The following GRIA4 variants were observed in gnomAD, a reference collection of about 807,000 sequenced individuals.
The protein encoded by GRIA4 is glutamate receptor 4.
Under a neutral mutation model 104.0 loss-of-function variants are expected in GRIA4, and 34 were observed. The observed-to-expected ratio is 0.33, with a 90% CI of 0.25 to 0.44. The LOEUF (loss-of-function observed/expected upper bound fraction) is 0.44. Among genes scored for constraint, GRIA4 ranks in the 20% least tolerant of loss-of-function variants. GRIA4 has a pLI of 1.00. For missense variants in GRIA4, 750 were observed against 1,096.5 expected, an observed-to-expected ratio of 0.68 and a Z score of 4.46; for synonymous variants, 386 against 381.9, an observed-to-expected ratio of 1.01 and a Z score of -0.13.
intron 14 of GRIA4, among the ~76,000 whole-genome samples, chr11:105,962,673 C>T (rs975892734): frequency 2.6e-5 from 4 of 152,102 alleles, no homozygotes; most frequent in African/African-American, 9.7e-5. Context: ...TTCGCTAAGG[C>T]ATACAAGGCA....
At chr11:105,681,233 A>G (rs1271775119) in intron 3 of GRIA4, among the ~76,000 whole-genome samples, 1 of 152,234 alleles carries the variant, frequency 6.6e-6, no homozygotes, top group African/African-American at 2.4e-5. Context: ...TTTTGCATGC[A>G]CTTGTTGCTA....
At chr11:105,621,745 A>G (rs1381392341) in intron 3 of GRIA4, among the ~76,000 whole-genome samples, 1 of 151,848 alleles carries the variant, frequency 6.6e-6, no homozygotes, top group Non-Finnish European at 1.5e-5. Flanking sequence ...TGCTATATCA[A>G]ATAATTAAGA....
rs556445539 is a variant in GRIA4 at position 105,817,726 on chromosome 11, T to G, written c.488-44298T>G. On this transcript the variant is annotated intron_variant, in intron 4 of 16. Coordinates refer to ENST00000282499, the MANE Select transcript of GRIA4 (RefSeq NM_000829.4). ...ATTACAGAATATCGTACATTATATA[T>G]AGAGAGTATTTCTTGCCTACTTGTG... Among the ~76,000 whole-genome samples the G allele has an allele frequency of 1.1e-4, 17 of 152,242 alleles. 1 individual carries two copies. The highest frequency in any genetic ancestry group is 3.4e-4 in the African/African-American group (14 of 41,558).
intron 3 of GRIA4, among the ~76,000 whole-genome samples, chr11:105,650,167 A>G (rs937270518): frequency 6.6e-6 from 1 of 152,212 alleles, no homozygotes; most frequent in African/African-American, 2.4e-5. Context: ...TACATTTACA[A>G]ATGTTTCAAA....
chr11:105,966,062 G>T (rs1268158561), intron 14 of GRIA4: 1 of 1,594,392 alleles, frequency 6.3e-7, no homozygotes, highest in Non-Finnish European at 8.6e-7. Flanking sequence ...TGACTCCAAG[G>T]TTAGCCTCAA....
chr11:105,649,270 TAA>T, intron 3 of GRIA4, among the ~76,000 whole-genome samples: 1 of 152,162 alleles, frequency 6.6e-6, no homozygotes, highest in South Asian at 2.1e-4. Context: ...TAATATATTT[TAA>T]AAGACAATTA....
chr11:105,716,909 C>T (rs528462849), intron 3 of GRIA4, among the ~76,000 whole-genome samples: 2 of 152,118 alleles, frequency 1.3e-5, no homozygotes, highest in East Asian at 1.9e-4. Context: ...ATTGTTCTCA[C>T]GTTTTACAAC....
rs1309990777 is a variant in GRIA4, at chr11:105,661,541, G to T, written c.247+49107G>T. 2.0e-5 allele frequency among the ~76,000 whole-genome samples: 3 copies of T among 151,622 alleles called. No homozygotes were observed. The East Asian group carries it at 5.8e-4, about 29-fold the overall frequency. On this transcript the variant is annotated intron_variant, in intron 3 of 16. Coordinates refer to ENST00000282499, the MANE Select transcript of GRIA4 (RefSeq NM_000829.4). ...TAGATGAAATCAAGAAATGCATTTTGTTAGATAAGAAAAAGGCATCATATT... is the reference window on the plus strand; with the variant it reads ...TAGATGAAATCAAGAAATGCATTTTTTTAGATAAGAAAAAGGCATCATATT...
intron 4 of GRIA4, among the ~76,000 whole-genome samples, chr11:105,760,445 T>C (rs1940561603): frequency 6.6e-6 from 1 of 152,130 alleles, no homozygotes; most frequent in Non-Finnish European, 1.5e-5. Flanking sequence ...CTGTGAACTA[T>C]CTGATAATAA....
intron 7 of GRIA4, 78 bp downstream of exon 7, chr11:105,898,505 ATTAACAT>A (rs1183298819): frequency 3.3e-6 from 3 of 918,194 alleles, no homozygotes; most frequent in Non-Finnish European, 5.0e-6. Context: ...CAGTTTTTCC[ATTAACAT>A]TTTGCCAAAC....
chr11:105,951,693 G>A (rs1310006502), intron 14 of GRIA4, among the ~76,000 whole-genome samples: 1 of 152,060 alleles, frequency 6.6e-6, no homozygotes, highest in Non-Finnish European at 1.5e-5. Flanking sequence ...TTAAAAATGG[G>A]AGTGGGTATG....
chr11:105,945,530 T>C (rs1948285710), intron 14 of GRIA4: 2 of 837,344 alleles, frequency 2.4e-6, no homozygotes, highest in Non-Finnish European at 1.4e-6. Context: ...TTCAAAAGAA[T>C]GGCTTCCATC....
chr11:105,964,474 A>G (rs1948811748), intron 14 of GRIA4, among the ~76,000 whole-genome samples: 1 of 152,226 alleles, frequency 6.6e-6, no homozygotes, highest in African/African-American at 2.4e-5. Context: ...AAAATATGCA[A>G]CACTTTTTAT....
At chr11:105,667,150 A>T (rs1465705802) in intron 3 of GRIA4, among the ~76,000 whole-genome samples, 1 of 152,034 alleles carries the variant, frequency 6.6e-6, no homozygotes, top group Non-Finnish European at 1.5e-5. Context: ...TAAGAAAAAC[A>T]ATTATGTACC....
chr11:105,658,118 G>A (rs1349348704), intron 3 of GRIA4, among the ~76,000 whole-genome samples: 2 of 151,632 alleles, frequency 1.3e-5, no homozygotes, highest in Non-Finnish European at 2.9e-5. Context: ...TAACATTAGT[G>A]TCATATTGTC....
chr11:105,885,151 G>A (rs1218842782), intron 5 of GRIA4, among the ~76,000 whole-genome samples: 7 of 152,128 alleles, frequency 4.6e-5, no homozygotes, highest in African/African-American at 7.2e-5. Context: ...ATGCCATTTC[G>A]TGGCTGAGTG....
Position 105,862,005 on chromosome 11 carries a change from C to CTT in GRIA4, c.488-11_488-10dup. 2.0e-6 allele frequency: 3 copies of CTT among 1,534,392 alleles called. No homozygotes were observed. The highest frequency in any genetic ancestry group is 2.7e-6 in the Non-Finnish European group (3 of 1,115,758). Reference sequence around the variant, plus strand: ...GGGAGTAAAAGCATGTTTTTAGTAACTTTTTTTTTCCCCAATAGGATACTC... The same window carrying CTT: ...GGGAGTAAAAGCATGTTTTTAGTAACTTTTTTTTTTTCCCCAATAGGATACTC... On this transcript the variant is annotated intron_variant, in intron 4 of 16. Transcript: ENST00000282499.
At chr11:105,713,653 C>G (rs1245036707) in intron 3 of GRIA4, among the ~76,000 whole-genome samples, 2 of 152,120 alleles carry the variant, frequency 1.3e-5, no homozygotes, top group African/African-American at 4.8e-5. Flanking sequence ...CAACTACAAG[C>G]TTTTCTACCT....
chr11:105,901,234 T>C (rs953176908), intron 7 of GRIA4, among the ~76,000 whole-genome samples: 4 of 152,192 alleles, frequency 2.6e-5, no homozygotes, highest in Non-Finnish European at 5.9e-5. Flanking sequence ...TCTTGTTTCA[T>C]TTCATTTTGC....
Sources: allele counts gnomAD v4.1 joint callset (sites outside exome capture counted in the v4.1 genomes callset), GRCh38; gene constraint gnomAD v4.1.1; transcripts MANE v1.5; gene names NCBI Gene and HGNC (gene_info 2026-07-23, HGNC 2026-07-21).